The following DNM3 variants were observed in gnomAD, a reference collection of about 807,000 sequenced individuals.
DNM3 encodes the protein dynamin 3.
Under a neutral mutation model 101.6 loss-of-function variants are expected in DNM3, and 47 were observed. The observed-to-expected ratio is 0.46, with a 90% CI of 0.37 to 0.59. DNM3 has a LOEUF of 0.59. Among genes scored for constraint, DNM3 ranks in the 20% least tolerant of loss-of-function variants. The probability of loss-of-function intolerance (pLI) is 0.00; values close to 1 mark genes in which losing one functional copy is unlikely to be tolerated. For missense variants in DNM3, 849 were observed against 1,085.7 expected (o/e 0.78, Z 3.06); for synonymous variants, 385 against 387.9 (o/e 0.99, Z 0.09).
chr1:171,913,345 G>A (rs1293503526), intron 1 of DNM3, among the ~76,000 whole-genome samples: 1 of 151,984 alleles, frequency 6.6e-6, no homozygotes, highest in African/African-American at 2.4e-5. Flanking sequence ...AAATTATGAT[G>A]GTATTGAGTA....
chr1:171,960,813 A>T (rs2043166995), intron 2 of DNM3, among the ~76,000 whole-genome samples: 2 of 152,178 alleles, frequency 1.3e-5, no homozygotes, highest in Non-Finnish European at 2.9e-5. Context: ...ACTGGAAGAA[A>T]AAAAGCAGGA....
intron 2 of DNM3, among the ~76,000 whole-genome samples, chr1:171,979,361 T>C (rs1313702820): frequency 2.0e-5 from 3 of 152,150 alleles, no homozygotes; most frequent in Admixed American, 6.5e-5. Flanking sequence ...AGAAAGGAAA[T>C]GAGTATATTG....
At chr1:172,003,457 T>C (rs2046474789) in intron 4 of DNM3, among the ~76,000 whole-genome samples, 1 of 152,000 alleles carries the variant, frequency 6.6e-6, no homozygotes, top group Non-Finnish European at 1.5e-5. Context: ...AATATGACAA[T>C]GAAAAAAAGC....
chr1:171,852,719 G>C (rs1045691045), intron 1 of DNM3, among the ~76,000 whole-genome samples: 1 of 152,220 alleles, frequency 6.6e-6, no homozygotes, highest in Non-Finnish European at 1.5e-5. Context: ...TAAACTTAAC[G>C]TAGAGGAGAC....
At chr1:172,387,013 GGGTGGACTTTGGTGGACTTT>G (rs1029592686) in intron 18 of DNM3, 100 bp from the exon 19 acceptor site, 1 of 787,712 alleles carries the variant, frequency 1.3e-6, no homozygotes, top group Non-Finnish European at 2.1e-6. Context: ...ACTTTTCCCA[GGGTGGACTTTGGTGGACTTT>G]GGTGGACTTT....
At chr1:172,048,830 C>T in intron 10 of DNM3, 80 bp downstream of exon 10, 2 of 1,505,568 alleles carry the variant, frequency 1.3e-6, no homozygotes, top group Non-Finnish European at 1.8e-6. Flanking sequence ...ATTCTCTTTC[C>T]CTGACCCTCA....
At chr1:172,260,022 TG>T (rs2062575384) in intron 15 of DNM3, among the ~76,000 whole-genome samples, 1 of 152,148 alleles carries the variant, frequency 6.6e-6, no homozygotes, top group Admixed American at 6.6e-5. Context: ...CTAGTGGTGC[TG>T]TATCTCTTAG....
chr1:172,084,141 C>G (rs1480877467), intron 12 of DNM3, among the ~76,000 whole-genome samples: 2 of 152,062 alleles, frequency 1.3e-5, no homozygotes, highest in Non-Finnish European at 2.9e-5. Context: ...AGGTGCTCAG[C>G]CTTTCTCTAT....
chr1:172,127,871 G>A (rs1250800604), intron 13 of DNM3, among the ~76,000 whole-genome samples: 2 of 152,160 alleles, frequency 1.3e-5, no homozygotes, highest in African/African-American at 2.4e-5. Flanking sequence ...CTTCCTCTGG[G>A]AAGAGCTCTC....
intron 10 of DNM3, among the ~76,000 whole-genome samples, chr1:172,054,730 G>A (rs534381301): frequency 1.0e-3 from 158 of 152,186 alleles, no homozygotes; most frequent in Middle Eastern, 3.4e-3. Flanking sequence ...AGGCCGAGGC[G>A]GATGGATCAC....
chr1:172,319,233 T>C (rs1410207665), intron 16 of DNM3, among the ~76,000 whole-genome samples: 38 of 151,850 alleles, frequency 2.5e-4, no homozygotes, highest in African/African-American at 8.7e-4. Flanking sequence ...ATACAAAAAT[T>C]AATTCAAGAT....
chr1:172,272,401 A>G (rs1449233002), intron 15 of DNM3, among the ~76,000 whole-genome samples: 1 of 152,172 alleles, frequency 6.6e-6, no homozygotes, highest in Admixed American at 6.6e-5. Flanking sequence ...ATGACATAGC[A>G]GTGAAGGCTA....
intron 1 of DNM3, among the ~76,000 whole-genome samples, chr1:171,890,473 T>G (rs2037170333): frequency 6.6e-6 from 1 of 152,220 alleles, no homozygotes; most frequent in African/African-American, 2.4e-5. Flanking sequence ...GACTTTAAAA[T>G]ATGCATTTAA....
chr1:172,012,201 T>C (rs940844437), intron 4 of DNM3, among the ~76,000 whole-genome samples: 5 of 152,054 alleles, frequency 3.3e-5, no homozygotes, highest in African/African-American at 1.2e-4. Context: ...TTCTCCATGA[T>C]GTTTTGCAGA....
intron 15 of DNM3, among the ~76,000 whole-genome samples, chr1:172,272,662 T>C (rs1316720334): frequency 6.6e-6 from 1 of 152,174 alleles, no homozygotes; most frequent in Admixed American, 6.6e-5. Context: ...GTGTCATTCT[T>C]TAGACTTGTC....
At chr1:172,371,237 G>C (rs995386698) in intron 17 of DNM3, among the ~76,000 whole-genome samples, 1 of 152,052 alleles carries the variant, frequency 6.6e-6, no homozygotes, top group Non-Finnish European at 1.5e-5. Context: ...AACTGAAAGG[G>C]CTTCTGAAGA....
intron 17 of DNM3, among the ~76,000 whole-genome samples, chr1:172,357,883 T>C (rs2067531240): frequency 2.0e-5 from 3 of 152,054 alleles, no homozygotes; most frequent in Non-Finnish European, 4.4e-5. Context: ...CATTTATATG[T>C]TACCTCCAGT....
intron 4 of DNM3, among the ~76,000 whole-genome samples, chr1:172,005,648 G>C (rs1389431585): frequency 6.6e-6 from 1 of 151,996 alleles, no homozygotes; most frequent in Non-Finnish European, 1.5e-5. Flanking sequence ...TGTGCGCACT[G>C]GTTGTTTTTT....
At chr1:172,158,437 A>G (rs1006321102) in intron 14 of DNM3, among the ~76,000 whole-genome samples, 1 of 152,056 alleles carries the variant, frequency 6.6e-6, no homozygotes, top group African/African-American at 2.4e-5. Context: ...TAGTGGGAAG[A>G]ACATGAGCAA....
Sources: allele counts gnomAD v4.1 joint callset (sites outside exome capture counted in the v4.1 genomes callset), GRCh38; gene constraint gnomAD v4.1.1; transcripts MANE v1.5; gene names NCBI Gene and HGNC (gene_info 2026-07-23, HGNC 2026-07-21).